Variants in TRABD2B observed in about 807,000 individuals in gnomAD.
TRABD2B encodes metalloprotease TIKI2.
TRABD2B carries 14 observed loss-of-function variants against 40.1 expected under a neutral mutation model. The ratio of observed to expected loss-of-function variants is 0.35; its 90% CI spans 0.23 to 0.55. TRABD2B has a LOEUF of 0.55. TRABD2B is among the 20% of genes least tolerant of loss of function. The pLI is 0.90. For missense variants in TRABD2B, 541 were observed against 648.6 expected, an observed-to-expected ratio of 0.83 and a Z score of 1.80; for synonymous variants, 263 against 277.0, an observed-to-expected ratio of 0.95 and a Z score of 0.50.
intron 2 of TRABD2B, among the ~76,000 whole-genome samples, chr1:47,935,954 A>G (rs540907063): frequency 6.6e-6 from 1 of 152,344 alleles, no homozygotes; most frequent in African/African-American, 2.4e-5. Flanking sequence ...ATCCTGGACA[A>G]ACTGTTTCCC....
chr1:47,872,767 G>A (rs1336073268), intron 2 of TRABD2B, among the ~76,000 whole-genome samples: 1 of 152,106 alleles, frequency 6.6e-6, no homozygotes, highest in Non-Finnish European at 1.5e-5. Flanking sequence ...TGAGAAGACT[G>A]GGTTGGTGGG....
At chr1:47,839,788 C>T (rs939464724) in intron 2 of TRABD2B, among the ~76,000 whole-genome samples, 6 of 152,170 alleles carry the variant, frequency 3.9e-5, no homozygotes, top group African/African-American at 1.2e-4. Context: ...CGCTTAACTC[C>T]GGTCACACCA....
Position 47,801,500 on chromosome 1 carries a change from T to G in TRABD2B, c.786A>C (p.Ala262=). The G allele has an allele frequency of 6.5e-7, 1 of 1,536,080 alleles. No individual in the cohort carries two copies. Among genetic ancestry groups the G allele is most frequent in the Non-Finnish European group, 8.7e-7 (1 of 1,146,850 alleles). The stretch of plus-strand genomic sequence containing the variant: ...GGGATGTGTCGTGGTTGAAGATGAC[T>G]GCGCTGAGGTCTCCGCAGTTGTAGT... ...IKHYNCGDLS[A]VIFNHDTSQL... The change falls in exon 3 of 7, where the codon GCA becomes GCC. Residue 262 remains alanine, a synonymous_variant. Transcript: ENST00000606738.
intron 2 of TRABD2B, among the ~76,000 whole-genome samples, chr1:47,949,739 G>A (rs531155153): frequency 2.6e-5 from 4 of 151,992 alleles, no homozygotes; most frequent in African/African-American, 7.2e-5. Context: ...ATGGTTCTTC[G>A]GATCTGTGTC....
intron 2 of TRABD2B, among the ~76,000 whole-genome samples, chr1:47,986,656 G>A (rs528450357): frequency 5.9e-5 from 9 of 152,258 alleles, no homozygotes; most frequent in East Asian, 5.8e-4. Context: ...TCCTGGAGGA[G>A]GTACAGCTTT....
intron 4 of TRABD2B, among the ~76,000 whole-genome samples, chr1:47,790,115 A>G (rs530716747): frequency 6.6e-6 from 1 of 152,294 alleles, no homozygotes; most frequent in Non-Finnish European, 1.5e-5. Context: ...CAGAATATAA[A>G]CCTGTAAATT....
chr1:47,854,713 C>T (rs974981994), intron 2 of TRABD2B, among the ~76,000 whole-genome samples: 1 of 152,134 alleles, frequency 6.6e-6, no homozygotes, highest in Non-Finnish European at 1.5e-5. Context: ...AAGTAGTTCA[C>T]CAAAGGTCAC....
At chr1:47,863,372 T>TTATATATACATATATATATATATATATA (rs1644004522) in intron 2 of TRABD2B, among the ~76,000 whole-genome samples, 10 of 66,492 alleles carry the variant, frequency 1.5e-4, no homozygotes, top group Admixed American at 1.4e-3. Flanking sequence ...CTATATAATT[T>TTATATATACATATATATATATATATATA]TATATATATA....
chr1:47,981,755 T>C (rs1645843725), intron 2 of TRABD2B, among the ~76,000 whole-genome samples: 2 of 152,230 alleles, frequency 1.3e-5, no homozygotes. Context: ...AATTTCACTT[T>C]GGGAGAAAAG....
chr1:47,774,303 G>C (rs900531791), intron 6 of TRABD2B, among the ~76,000 whole-genome samples: 2 of 152,192 alleles, frequency 1.3e-5, no homozygotes, highest in African/African-American at 4.8e-5. Flanking sequence ...CTCTGAGATG[G>C]AGACTCTATG....
chr1:47,812,938 G>T (rs1246562445), intron 2 of TRABD2B, among the ~76,000 whole-genome samples: 1 of 152,100 alleles, frequency 6.6e-6, no homozygotes. Context: ...TGTGGAGGCT[G>T]GAATGGATGA....
rs1644277503 is a variant in TRABD2B, at chr1:47,764,433, A to G, written c.*1469T>C. On this transcript the variant is annotated 3_prime_UTR_variant, in exon 7 of 7. Transcript: ENST00000606738. ...CCCACCTGGGTCCTCTGTCTCCTCA[A>G]CCACCACCTTGAGGAGCCGAGGGGC... 6.6e-6 allele frequency: 1 copy of G among 151,474 alleles called. No homozygotes were observed. Among genetic ancestry groups the G allele is most frequent in the South Asian group, 2.1e-4 (1 of 4,746 alleles). 9.4% of individuals were successfully genotyped at this position (151,474 alleles called of 1,614,324 possible).
rs765050625 is a variant in TRABD2B, at chr1:47,761,243, C to G, written c.*4659G>C. On this transcript the variant is annotated 3_prime_UTR_variant, in exon 7 of 7. Transcript: ENST00000606738. Reference sequence around the variant, plus strand: ...GTATCTCCGGAAAGGAAGAGCCCAGCTCCCACTTGGAGAAAGGGTGAGGAT... The same window carrying G: ...GTATCTCCGGAAAGGAAGAGCCCAGGTCCCACTTGGAGAAAGGGTGAGGAT... 3 of 152,334 alleles carry G rather than the reference C, an allele frequency of 2.0e-5. No homozygotes were observed. The highest frequency in any genetic ancestry group is 7.2e-5 in the African/African-American group (3 of 41,466). The allele number at this position is 152,334 out of a possible 1,614,324, so 9.4% of individuals were successfully genotyped here. A position where few individuals can be genotyped will look rare whatever the true frequency, so the allele number is the denominator to read the frequency against.
chr1:47,787,412 G>GAATCCCCTCT (rs1553150803), intron 4 of TRABD2B, among the ~76,000 whole-genome samples: 2 of 152,188 alleles, frequency 1.3e-5, no homozygotes, highest in Non-Finnish European at 2.9e-5. Context: ...GAAGATCTCA[G>GAATCCCCTCT]AATCCCCTTT....
At chr1:47,801,394 A>G in intron 3 of TRABD2B, 79 bp downstream of exon 3, 4 of 1,397,562 alleles carry the variant, frequency 2.9e-6, no homozygotes, top group Non-Finnish European at 3.9e-6. Context: ...CCATGGCTGG[A>G]GAGAAGATTA....
At chr1:47,939,345 T>C (rs1645155891) in intron 2 of TRABD2B, among the ~76,000 whole-genome samples, 2 of 152,222 alleles carry the variant, frequency 1.3e-5, no homozygotes. Context: ...ATGGATGTTG[T>C]GATTTAAGTT....
At chr1:47,820,590 C>T (rs6664642) in intron 2 of TRABD2B, among the ~76,000 whole-genome samples, 39,135 of 152,030 alleles carry the variant, frequency 0.26, 5,371 homozygotes, top group Non-Finnish European at 0.3. Context: ...CCCTGGCTAC[C>T]GGGGCATCCT....
chr1:47,994,729 C>T lies in TRABD2B; in HGVS notation c.103-132G>A. ...CCATACACAGGCCGTGGTAAAGAGC[C>T]AGGTCTTTGGAGCCTGAAAGACCCA... is the stretch of plus-strand genomic sequence containing the variant. On this transcript the variant is annotated intron_variant, in intron 1 of 6. Transcript: ENST00000606738. The surrounding 1 kb of genome is among the most constrained non-coding windows in gnomAD (Gnocchi z 6.7). The T allele has an allele frequency of 1.3e-6, 1 of 795,976 alleles. No homozygotes were observed. Among genetic ancestry groups the T allele is most frequent in the Non-Finnish European group, 1.9e-6 (1 of 515,254 alleles). 49.3% of individuals were successfully genotyped at this position (795,976 alleles called of 1,614,324 possible). A position where few individuals can be genotyped will look rare whatever the true frequency, so the allele number is the denominator to read the frequency against.
At chr1:47,882,521 G>A (rs1270559225) in intron 2 of TRABD2B, among the ~76,000 whole-genome samples, 1 of 152,158 alleles carries the variant, frequency 6.6e-6, no homozygotes, top group African/African-American at 2.4e-5. Flanking sequence ...TAAAATGCAG[G>A]TCCATCAGAT....
Sources: gnomAD v4.1 joint callset for allele counts (sites outside exome capture counted in the v4.1 genomes callset) on GRCh38, gnomAD v4.1.1 for gene constraint, Gnocchi (gnomAD v3.1) non-coding constraint, MANE v1.5 for transcripts, NCBI Gene and HGNC (gene_info 2026-07-23, HGNC 2026-07-21) for gene names.